Variants in RBFOX3 observed in about 807,000 individuals in gnomAD.
RBFOX3 encodes RNA binding fox-1 homolog 3.
Under a neutral mutation model 48.7 loss-of-function variants are expected in RBFOX3, and 17 were observed. The ratio of observed to expected loss-of-function variants is 0.35; its 90% CI spans 0.24 to 0.52. The LOEUF (loss-of-function observed/expected upper bound fraction) is 0.52, where lower values mean the gene tolerates loss of function less well. Ranked by LOEUF, RBFOX3 falls within the 20% of genes least tolerant of loss-of-function variation. The pLI, the probability that RBFOX3 is intolerant of heterozygous loss-of-function variation, is 0.94. For synonymous variants in RBFOX3, 212 were observed against 209.5 expected, an observed-to-expected ratio of 1.01 and a Z score of -0.10; for missense variants, 382 against 497.5, an observed-to-expected ratio of 0.77 and a Z score of 2.21.
In RBFOX3 at chr17:79,146,299, C is replaced by T. The variant is rs147233587; in HGVS notation, c.-33-30551G>A. ...GATGCTGCTCCACCTCCTACAGACG[C>T]CCATCAGAGTCTGACCCAGCCTGGC... On this transcript the variant is annotated intron_variant, in intron 4 of 14. Transcript: ENST00000693108. 7.2e-5 allele frequency among the ~76,000 whole-genome samples: 11 copies of T among 152,300 alleles called. No homozygotes were observed. In the East Asian group the frequency reaches 2.1e-3, roughly 29 times the overall value.
intron 5 of RBFOX3, among the ~76,000 whole-genome samples, chr17:79,114,790 C>G (rs539482305): frequency 7.2e-5 from 11 of 152,242 alleles, no homozygotes; most frequent in African/African-American, 2.6e-4. Flanking sequence ...GTGGAGGGGA[C>G]CAGACAAAAG....
At chr17:79,620,591 A>ATG in the RBFOX3 span, among the ~76,000 whole-genome samples, 11 of 141,330 alleles carry the variant, frequency 7.8e-5, no homozygotes, top group Middle Eastern at 3.8e-3. Flanking sequence ...GCACGCACAC[A>ATG]CACGCACGCA....
intron 2 of RBFOX3, among the ~76,000 whole-genome samples, chr17:79,402,496 G>A (rs1022822803): frequency 1.3e-5 from 2 of 152,186 alleles, no homozygotes; most frequent in Non-Finnish European, 1.5e-5. Flanking sequence ...GGGGATTAAC[G>A]ATCCCCTGAG....
chr17:79,350,697 A>T (rs542886352), intron 2 of RBFOX3, among the ~76,000 whole-genome samples: 1 of 152,262 alleles, frequency 6.6e-6, no homozygotes, highest in East Asian at 1.9e-4. Flanking sequence ...TGTCCCTGTG[A>T]CCTGGTGCTC....
At chr17:79,416,587 G>C (rs1316554773) in intron 2 of RBFOX3, among the ~76,000 whole-genome samples, 1 of 152,218 alleles carries the variant, frequency 6.6e-6, no homozygotes, top group East Asian at 1.9e-4. Context: ...ACGGGGGCCA[G>C]CAGGTGAACC....
At chr17:79,221,620 G>A (rs1464661903) in intron 4 of RBFOX3, among the ~76,000 whole-genome samples, 1 of 152,236 alleles carries the variant, frequency 6.6e-6, no homozygotes, top group Non-Finnish European at 1.5e-5. Flanking sequence ...TGGGGTCCGG[G>A]CGAATTCATG....
At chr17:79,118,778 T>C (rs188231995) in intron 4 of RBFOX3, among the ~76,000 whole-genome samples, 1 of 148,870 alleles carries the variant, frequency 6.7e-6, no homozygotes, top group East Asian at 2.0e-4. Flanking sequence ...TTCGAGACCA[T>C]CCTGGACAAC....
chr17:79,663,270 T>C, the RBFOX3 span, among the ~76,000 whole-genome samples: 4 of 152,246 alleles, frequency 2.6e-5, no homozygotes. Context: ...GCTTTCAATG[T>C]GAATTTTCCT....
chr17:79,374,038 CTT>C (rs2058908088), intron 2 of RBFOX3, among the ~76,000 whole-genome samples: 1 of 152,074 alleles, frequency 6.6e-6, no homozygotes, highest in South Asian at 2.1e-4. Flanking sequence ...AATTTTTGGA[CTT>C]TTAGTAGAGA....
intron 1 of RBFOX3, among the ~76,000 whole-genome samples, chr17:79,534,134 A>G (rs1555788122): frequency 6.6e-6 from 1 of 152,270 alleles, no homozygotes; most frequent in African/African-American, 2.4e-5. Context: ...GCATTAAATA[A>G]GAAAACGCCC....
At chr17:79,372,803 G>A (rs932944360) in intron 2 of RBFOX3, among the ~76,000 whole-genome samples, 1 of 152,252 alleles carries the variant, frequency 6.6e-6, no homozygotes, top group Non-Finnish European at 1.5e-5. Context: ...CATAGAGGTA[G>A]AGCTGCGTGT....
rs1363414818 is a variant in RBFOX3 at position 79,480,890 on chromosome 17, C to A, written c.-175+1564G>T. On this transcript the variant is annotated intron_variant, in intron 2 of 14. Coordinates refer to ENST00000693108, the MANE Select transcript of RBFOX3 (RefSeq NM_001350451.2). This position sits in a 1 kb window ranked among gnomAD's most constrained non-coding sequence, Gnocchi z 4.8. ...CCATGTCCCTGCTAAAATATAAACA[C>A]CATGAGGGCCAGAACTTGACCTTGT... Among the ~76,000 whole-genome samples, 1 of 152,200 alleles carries A rather than the reference C, an allele frequency of 6.6e-6. No homozygotes were observed. The highest frequency in any genetic ancestry group is 1.5e-5 in the Non-Finnish European group (1 of 68,042).
chr17:79,183,912 C>A (rs1183504311), intron 4 of RBFOX3, among the ~76,000 whole-genome samples: 1 of 151,684 alleles, frequency 6.6e-6, no homozygotes, highest in Non-Finnish European at 1.5e-5. Context: ...GCCCCTCCTC[C>A]CCCCCGTTGC....
At chr17:79,196,382 G>A (rs79591269) in intron 4 of RBFOX3, among the ~76,000 whole-genome samples, 4,079 of 152,228 alleles carry the variant, frequency 0.027, 154 homozygotes, top group African/African-American at 0.089. Context: ...GACTCTGAGC[G>A]AGCAACTAAA....
intron 1 of RBFOX3, among the ~76,000 whole-genome samples, chr17:79,553,320 C>T (rs2091326323): frequency 6.6e-6 from 1 of 152,134 alleles, no homozygotes. Flanking sequence ...AGAATAAACT[C>T]CAAGTAAACA....
chr17:79,397,334 A>T (rs143566903), intron 2 of RBFOX3, among the ~76,000 whole-genome samples: 41 of 150,354 alleles, frequency 2.7e-4, no homozygotes, highest in Middle Eastern at 3.4e-3. Flanking sequence ...TAAAAAATTT[A>T]AAAAAAAAAT....
chr17:79,133,900 C>G (rs2039561989), intron 4 of RBFOX3, among the ~76,000 whole-genome samples: 1 of 152,228 alleles, frequency 6.6e-6, no homozygotes, highest in African/African-American at 2.4e-5. Context: ...CCTCTCTCCC[C>G]CAGGGTTCCA....
chr17:79,580,503 G>C (rs929492680), intron 1 of RBFOX3, among the ~76,000 whole-genome samples: 4 of 152,122 alleles, frequency 2.6e-5, no homozygotes, highest in African/African-American at 9.7e-5. Flanking sequence ...ATAGACGACT[G>C]TTCAGCGGTG....
At chr17:79,403,062 A>T (rs1266443290) in intron 2 of RBFOX3, among the ~76,000 whole-genome samples, 2 of 152,030 alleles carry the variant, frequency 1.3e-5, no homozygotes, top group Non-Finnish European at 2.9e-5. Context: ...ACCTTTTCTC[A>T]TCTCGGAAGG....
Sources: gnomAD v4.1 joint callset for allele counts (sites outside exome capture counted in the v4.1 genomes callset) on GRCh38, gnomAD v4.1.1 for gene constraint, Gnocchi (gnomAD v3.1) non-coding constraint, MANE v1.5 for transcripts, NCBI Gene and HGNC (gene_info 2026-07-23, HGNC 2026-07-21) for gene names.